RNF13: variants seen among roughly 807,000 people sequenced by gnomAD.
The protein encoded by RNF13 is ring finger protein 13.
A neutral mutation model predicts 37.7 loss-of-function variants in RNF13; 19 were observed. That is an observed-to-expected ratio of 0.50 (90% CI 0.35 to 0.74). RNF13 has a LOEUF of 0.74. Ranked by LOEUF, RNF13 falls within the 30% of genes least tolerant of loss-of-function variation. The pLI is 0.01. For missense variants in RNF13, 375 were observed against 453.0 expected, an observed-to-expected ratio of 0.83 and a Z score of 1.56; for synonymous variants, 144 against 157.8, an observed-to-expected ratio of 0.91 and a Z score of 0.65.
At chr3:149,907,092 G>A (rs1403833721) in intron 6 of RNF13, among the ~76,000 whole-genome samples, 1 of 152,016 alleles carries the variant, frequency 6.6e-6, no homozygotes, top group East Asian at 1.9e-4. Context: ...TCTACTAACT[G>A]GTTTTTATTT....
intron 9 of RNF13, 81 bp from the exon 10 acceptor site, chr3:149,960,659 C>G: frequency 6.5e-6 from 9 of 1,381,396 alleles, no homozygotes; most frequent in Non-Finnish European, 8.9e-6. Context: ...ATACAGAACA[C>G]TGAATAAATA....
intron 2 of RNF13, among the ~76,000 whole-genome samples, chr3:149,851,933 G>C (rs189403123): frequency 2.0e-5 from 3 of 152,276 alleles, no homozygotes; most frequent in Non-Finnish European, 4.4e-5. Flanking sequence ...ATCTATATCT[G>C]TGTGGAAGGG....
chr3:149,879,356 G>A (rs1209864687), intron 4 of RNF13, among the ~76,000 whole-genome samples: 1 of 142,240 alleles, frequency 7.0e-6, no homozygotes, highest in Non-Finnish European at 1.5e-5. Context: ...TGCCTGGGCT[G>A]GAGTGCAGTG....
chr3:149,960,039 A>G lies in RNF13; in HGVS notation c.701-17A>G, dbSNP rs369953256. 2.9e-5 allele frequency: 45 copies of G among 1,567,062 alleles called. No homozygotes were observed. The highest frequency in any genetic ancestry group is 3.4e-5 in the Admixed American group (2 of 59,614). ...GAAAGGTGAAAAAATAGTTCTCTAC[A>G]TATTTTCTGTTTTCAGGAGATGAGT... On this transcript the variant is annotated splice_polypyrimidine_tract_variant and intron_variant, in intron 8 of 9. Transcript: ENST00000392894.
intron 1 of RNF13, among the ~76,000 whole-genome samples, chr3:149,819,850 G>A (rs544870217): frequency 8.5e-5 from 13 of 152,154 alleles, no homozygotes; most frequent in Non-Finnish European, 1.8e-4. Flanking sequence ...TTAAGAGAAG[G>A]TGTTCCCTGA....
At position 149,860,514 on chromosome 3, in the gene RNF13, T is replaced by C. The variant is rs1724148668; in HGVS notation, c.195+7918T>C. On this transcript the variant is annotated intron_variant, in intron 3 of 9. Transcript: ENST00000392894. ...TGACAAAGGTGCCAAGAACATACACTGGGGAAAGGGCAGTCTCTTCAATAA... is the reference window on the plus strand; with the variant it reads ...TGACAAAGGTGCCAAGAACATACACCGGGGAAAGGGCAGTCTCTTCAATAA... 1.3e-5 allele frequency among the ~76,000 whole-genome samples: 2 copies of C among 151,632 alleles called. 1 individual carries two copies. The highest frequency in any genetic ancestry group is 4.2e-4 in the South Asian group (2 of 4,800).
At chr3:149,903,929 ATCTGTCTATCTGTCTGTCTGTCTGTCTG>A (rs1157978913) in intron 6 of RNF13, among the ~76,000 whole-genome samples, 1 of 147,384 alleles carries the variant, frequency 6.8e-6, no homozygotes, top group Non-Finnish European at 1.5e-5. Flanking sequence ...CTATCTATAT[ATCTGTCTATCTGTCTGTCTGTCTGTCTG>A]TCTGTCTGTC....
chr3:149,885,939 C>T (rs1017668148), intron 4 of RNF13, among the ~76,000 whole-genome samples: 1 of 152,138 alleles, frequency 6.6e-6, no homozygotes, highest in Non-Finnish European at 1.5e-5. Context: ...TAGTTTCATT[C>T]TTCTGGATAT....
chr3:149,940,241 T>C (rs1352847313), intron 8 of RNF13, among the ~76,000 whole-genome samples: 1 of 152,192 alleles, frequency 6.6e-6, no homozygotes, highest in Non-Finnish European at 1.5e-5. Context: ...CATTTACAAC[T>C]AATCCAATTT....
At chr3:149,904,700 A>G (rs918400543) in intron 6 of RNF13, among the ~76,000 whole-genome samples, 1 of 152,178 alleles carries the variant, frequency 6.6e-6, no homozygotes, top group Non-Finnish European at 1.5e-5. Context: ...AACAATGTAT[A>G]TTCAGAGAAG....
chr3:149,939,597 A>G lies in RNF13; in HGVS notation c.700+18370A>G, dbSNP rs751228322. The G allele has an allele frequency of 8.1e-6, 5 of 618,802 alleles. No homozygotes were observed. The East Asian group carries it at 1.1e-4, about 14-fold the overall frequency. The allele number at this position is 618,802 out of a possible 1,614,324, so 38.3% of individuals were successfully genotyped here. ...GTGTTACTTTAATCGGACTGCCTTC[A>G]TAATTCATTGCCTCTGTTTCAACAA... On this transcript the variant is annotated intron_variant, in intron 8 of 9. Transcript: ENST00000392894.
intron 1 of RNF13, among the ~76,000 whole-genome samples, chr3:149,823,980 G>C (rs188412041): frequency 6.6e-6 from 1 of 152,088 alleles, no homozygotes; most frequent in African/African-American, 2.4e-5. Context: ...TCAGGGCTGG[G>C]GCAGGAAAAG....
intron 3 of RNF13, among the ~76,000 whole-genome samples, chr3:149,855,757 C>G (rs1006227787): frequency 1.3e-5 from 2 of 152,060 alleles, no homozygotes; most frequent in East Asian, 1.9e-4. Flanking sequence ...TTTGCAAAGG[C>G]TGTGCTAATT....
At chr3:149,913,698 A>AT (rs1033423757) in intron 7 of RNF13, among the ~76,000 whole-genome samples, 1 of 152,016 alleles carries the variant, frequency 6.6e-6, no homozygotes, top group African/African-American at 2.4e-5. Flanking sequence ...TCTCAACCTG[A>AT]TTTTTTTCTC....
chr3:149,835,633 T>TTGTGTGTGTGTG (rs3039646), intron 1 of RNF13, among the ~76,000 whole-genome samples: 1,490 of 138,738 alleles, frequency 0.011, 6 homozygotes, highest in Non-Finnish European at 0.017. Context: ...TAGTATTCCA[T>TTGTGTGTGTGTG]TGTGTGTGTG....
intron 8 of RNF13, among the ~76,000 whole-genome samples, chr3:149,940,556 A>T (rs748002265): frequency 9.9e-5 from 15 of 152,134 alleles, no homozygotes; most frequent in Non-Finnish European, 1.6e-4. Context: ...ATTCTGACCT[A>T]TATCATTTTT....
intron 3 of RNF13, among the ~76,000 whole-genome samples, chr3:149,867,404 T>C (rs564440354): frequency 0.011 from 1,743 of 151,718 alleles, 37 homozygotes; most frequent in Middle Eastern, 0.02. Context: ...TAGCTGGGAC[T>C]ACAGGCGCCC....
intron 3 of RNF13, among the ~76,000 whole-genome samples, chr3:149,867,258 C>T (rs1423752699): frequency 6.6e-6 from 1 of 151,602 alleles, no homozygotes; most frequent in East Asian, 1.9e-4. Flanking sequence ...AGTGACCTTC[C>T]TTGTCTCTTT....
At position 149,824,286 on chromosome 3, in the gene RNF13, A is replaced by C. The variant is rs140182967; in HGVS notation, c.-17+10933A>C. Among the ~76,000 whole-genome samples the C allele has an allele frequency of 2.8e-3, 430 of 152,374 alleles. 2 individuals carry two copies. The highest frequency in any genetic ancestry group is 9.9e-3 in the African/African-American group (411 of 41,596). Reference sequence around the variant, plus strand: ...AAGATGTCCATATCATAATACTTGGAATCTGTGAATATGTTACCTTGTATG... The same window carrying C: ...AAGATGTCCATATCATAATACTTGGCATCTGTGAATATGTTACCTTGTATG... On this transcript the variant is annotated intron_variant, in intron 1 of 9. Coordinates refer to ENST00000392894, the MANE Select transcript of RNF13 (RefSeq NM_183381.3).
Sources: gnomAD v4.1 joint callset for allele counts (sites outside exome capture counted in the v4.1 genomes callset) on GRCh38, gnomAD v4.1.1 for gene constraint, MANE v1.5 for transcripts, NCBI Gene and HGNC (gene_info 2026-07-23, HGNC 2026-07-21) for gene names.